ESR1: variants seen among roughly 807,000 people sequenced by gnomAD.
ESR1 encodes estrogen receptor 1, also known as estrogen receptor.
A neutral mutation model predicts 52.7 loss-of-function variants in ESR1; 12 were observed. The observed-to-expected ratio is 0.23, with a 90% confidence interval of 0.15 to 0.37. The LOEUF is 0.37. Ranked by LOEUF, ESR1 falls within the 10% of genes least tolerant of loss-of-function variation. The pLI, the probability that ESR1 is intolerant of heterozygous loss-of-function variation, is 1.00. For missense variants in ESR1, 584 were observed against 779.7 expected, an observed-to-expected ratio of 0.75 and a Z score of 2.99; for synonymous variants, 305 against 316.8, an observed-to-expected ratio of 0.96 and a Z score of 0.39.
intron 2 of ESR1, among the ~76,000 whole-genome samples, chr6:151,727,843 C>T (rs1781957285): frequency 1.3e-5 from 2 of 152,206 alleles, no homozygotes; most frequent in South Asian, 4.1e-4. Context: ...TCACCTGCCA[C>T]CATGTAAGAC....
At chr6:152,038,539 A>G (rs1326720518) in intron 5 of ESR1, among the ~76,000 whole-genome samples, 1 of 152,212 alleles carries the variant, frequency 6.6e-6, no homozygotes, top group Non-Finnish European at 1.5e-5. Flanking sequence ...ACATAATACA[A>G]CTATCGTTCA....
chr6:152,016,036 A>G (rs1412282870), intron 5 of ESR1, among the ~76,000 whole-genome samples: 2 of 152,146 alleles, frequency 1.3e-5, no homozygotes, highest in Non-Finnish European at 2.9e-5. Context: ...AGATAATTGA[A>G]TCATGTGGGT....
At chr6:151,805,008 C>A (rs1378554506), upstream of ESR1, 1 of 152,194 alleles carries the variant, frequency 6.6e-6, no homozygotes, top group Admixed American at 6.5e-5. Flanking sequence ...AGGTATCTAC[C>A]TTTATCTTAT....
intron 2 of ESR1, among the ~76,000 whole-genome samples, chr6:151,790,667 CA>C (rs1471073553): frequency 1.4e-4 from 21 of 151,900 alleles, no homozygotes; most frequent in African/African-American, 4.6e-4. Context: ...CAGCCCAACA[CA>C]GGGACTAAAT....
intron 5 of ESR1, among the ~76,000 whole-genome samples, chr6:152,016,354 A>G (rs921775057): frequency 2.1e-4 from 32 of 152,106 alleles, no homozygotes; most frequent in Admixed American, 6.6e-5. Context: ...ATTTATATTT[A>G]AATATTAATA....
At chr6:152,105,227 G>A (rs1253530912), downstream of ESR1, among the ~76,000 whole-genome samples, 1 of 152,202 alleles carries the variant, frequency 6.6e-6, no homozygotes, top group Non-Finnish European at 1.5e-5. Context: ...CCAAGGAGGG[G>A]TTTGTGGAAA....
intron 4 of ESR1, among the ~76,000 whole-genome samples, chr6:151,959,585 C>T (rs2037415042): frequency 6.6e-6 from 1 of 152,186 alleles, no homozygotes; most frequent in African/African-American, 2.4e-5. Flanking sequence ...TGTAGTCCTG[C>T]AACCTTAGAG....
At chr6:151,721,990 C>A (rs1338202224) in intron 2 of ESR1, among the ~76,000 whole-genome samples, 1 of 152,242 alleles carries the variant, frequency 6.6e-6, no homozygotes, top group African/African-American at 2.4e-5. Flanking sequence ...AAGTGATTTG[C>A]TTTCCAACAG....
At chr6:152,116,134 G>A (rs900022334) in intron 6 of ESR1, among the ~76,000 whole-genome samples, 7 of 152,114 alleles carry the variant, frequency 4.6e-5, no homozygotes, top group South Asian at 2.1e-4. Flanking sequence ...AAATCATCAC[G>A]ACTTTTTTAG....
intron 1 of ESR1, among the ~76,000 whole-genome samples, chr6:151,663,849 A>T (rs565817376): frequency 6.6e-6 from 1 of 152,342 alleles, no homozygotes; most frequent in Admixed American, 6.5e-5. Context: ...GGATAAGACA[A>T]TAACTACAAA....
At chr6:151,759,527 T>A (rs971445829) in intron 2 of ESR1, among the ~76,000 whole-genome samples, 3 of 151,210 alleles carry the variant, frequency 2.0e-5, no homozygotes, top group Non-Finnish European at 2.9e-5. Flanking sequence ...ATAATAATAA[T>A]AAAAAAAGAA....
At chr6:152,108,341 C>A (rs2051092638) in intron 6 of ESR1, among the ~76,000 whole-genome samples, 1 of 152,214 alleles carries the variant, frequency 6.6e-6, no homozygotes, top group Non-Finnish European at 1.5e-5. Context: ...GTGGGAGCAG[C>A]CCCAGGCAAG....
At chr6:152,043,162 T>C (rs2045946445) in intron 5 of ESR1, among the ~76,000 whole-genome samples, 1 of 152,180 alleles carries the variant, frequency 6.6e-6, no homozygotes, top group African/African-American at 2.4e-5. Flanking sequence ...TTGGATCCCT[T>C]CCTCTACATT....
At chr6:151,692,724 C>A (rs1264705732) in intron 1 of ESR1, among the ~76,000 whole-genome samples, 2 of 152,218 alleles carry the variant, frequency 1.3e-5, no homozygotes, top group African/African-American at 4.8e-5. Context: ...GCCTTCTGGG[C>A]AACATCTCAG....
chr6:151,842,586 T>C lies in ESR1; in HGVS notation c.453-11T>C, dbSNP rs542552115. The C allele has an allele frequency of 4.3e-6, 7 of 1,611,912 alleles. No individual in the cohort carries two copies. Among genetic ancestry groups the C allele is most frequent in the African/African-American group, 1.3e-5 (1 of 75,012 alleles). Reference sequence around the variant, plus strand: ...CTAATGTTAATGGATTTACTGTTTTTTTCCCCCCAGGCCAAATTCAGATAA... The same window carrying C: ...CTAATGTTAATGGATTTACTGTTTTCTTCCCCCCAGGCCAAATTCAGATAA... On this transcript the variant is annotated splice_polypyrimidine_tract_variant and intron_variant, in intron 1 of 7. Transcript: ENST00000206249.
upstream of ESR1, among the ~76,000 whole-genome samples, chr6:151,686,692 C>T (rs1778699003): frequency 1.2e-5 from 1 of 80,112 alleles, no homozygotes; most frequent in Non-Finnish European, 2.2e-5. Flanking sequence ...CATCTCAAAA[C>T]CAACCAACCA....
intron 1 of ESR1, among the ~76,000 whole-genome samples, chr6:151,681,651 T>C (rs1339065774): frequency 2.0e-5 from 3 of 152,204 alleles, no homozygotes; most frequent in Non-Finnish European, 4.4e-5. Context: ...CCGTCCTGGT[T>C]GAAATGAATA....
intron 6 of ESR1, among the ~76,000 whole-genome samples, chr6:152,087,107 T>A (rs2049786332): frequency 6.6e-6 from 1 of 152,182 alleles, no homozygotes; most frequent in African/African-American, 2.4e-5. Flanking sequence ...TCTTAGGCTT[T>A]CCCCTTAGTT....
intron 4 of ESR1, among the ~76,000 whole-genome samples, chr6:151,947,659 A>T (rs957980758): frequency 2.6e-5 from 4 of 152,090 alleles, no homozygotes; most frequent in South Asian, 2.1e-4. Flanking sequence ...TTTTGACTTG[A>T]TATGTTTCTC....
Sources: allele counts gnomAD v4.1 joint callset (sites outside exome capture counted in the v4.1 genomes callset), GRCh38; gene constraint gnomAD v4.1.1; transcripts MANE v1.5; gene names NCBI Gene and HGNC (gene_info 2026-07-23, HGNC 2026-07-21).